The following MRPS9 variants were observed in gnomAD, a reference collection of about 807,000 sequenced individuals.
MRPS9 encodes small ribosomal subunit protein uS9m.
A neutral mutation model predicts 59.9 loss-of-function variants in MRPS9; 45 were observed. The observed-to-expected ratio is 0.75, with a 90% CI of 0.59 to 0.96. The LOEUF (loss-of-function observed/expected upper bound fraction) is 0.96. Ranked by LOEUF, MRPS9 falls within the 40% of genes least tolerant of loss-of-function variation. The pLI is 0.00. For synonymous variants in MRPS9, 171 were observed against 166.8 expected, an observed-to-expected ratio of 1.03 and a Z score of -0.19; for missense variants, 473 against 481.1, an observed-to-expected ratio of 0.98 and a Z score of 0.16.
chr2:105,088,631 C>T (rs540211060), intron 5 of MRPS9, among the ~76,000 whole-genome samples: 16 of 151,928 alleles, frequency 1.1e-4, no homozygotes, highest in Non-Finnish European at 1.5e-4. Flanking sequence ...ATATAAATTA[C>T]GATTTTTTCT....
At chr2:105,041,918 T>A (rs1679508480) in intron 1 of MRPS9, among the ~76,000 whole-genome samples, 1 of 152,176 alleles carries the variant, frequency 6.6e-6, no homozygotes, top group African/African-American at 2.4e-5. Context: ...ATTTGGCAAT[T>A]TATATGTTTC....
intron 1 of MRPS9, among the ~76,000 whole-genome samples, chr2:105,044,937 G>A (rs1679567075): frequency 6.6e-6 from 1 of 152,114 alleles, no homozygotes. Context: ...AAGACAAGAA[G>A]ATATGATTAA....
intron 8 of MRPS9, among the ~76,000 whole-genome samples, chr2:105,093,117 T>C (rs1002526576): frequency 2.0e-5 from 3 of 152,176 alleles, no homozygotes; most frequent in African/African-American, 7.2e-5. Context: ...TCCTGAGTAT[T>C]TTTTTATTTC....
chr2:105,065,055 A>C (rs778149694), intron 2 of MRPS9, among the ~76,000 whole-genome samples: 1 of 152,204 alleles, frequency 6.6e-6, no homozygotes, highest in African/African-American at 2.4e-5. Flanking sequence ...GTCTCCACTG[A>C]TAGAATGAGG....
chr2:105,060,017 TAAAAAAAA>T (rs10547330), intron 2 of MRPS9, among the ~76,000 whole-genome samples: 5 of 100,604 alleles, frequency 5.0e-5, no homozygotes, highest in African/African-American at 1.8e-4. Context: ...GGAAAACTGC[TAAAAAAAA>T]AAAAAAAAAA....
intron 2 of MRPS9, among the ~76,000 whole-genome samples, chr2:105,051,526 T>C (rs563641757): frequency 6.6e-6 from 1 of 152,304 alleles, no homozygotes; most frequent in African/African-American, 2.4e-5. Flanking sequence ...TCTTTGCTCC[T>C]CGAATTTTCA....
At chr2:105,087,009 C>A (rs1307407237) in intron 5 of MRPS9, among the ~76,000 whole-genome samples, 2 of 152,118 alleles carry the variant, frequency 1.3e-5, no homozygotes, top group Non-Finnish European at 2.9e-5. Context: ...GATATACTAT[C>A]CATTTGAAGT....
intron 4 of MRPS9, among the ~76,000 whole-genome samples, chr2:105,078,481 T>C (rs4851732): frequency 0.41 from 62,314 of 151,922 alleles, 12,818 homozygotes; most frequent in East Asian, 0.45. Flanking sequence ...AACCATACAG[T>C]GAAAATCAAT....
intron 5 of MRPS9, among the ~76,000 whole-genome samples, chr2:105,082,481 G>A (rs3924669): frequency 0.75 from 113,484 of 152,054 alleles, 42,808 homozygotes; most frequent in African/African-American, 0.86. Context: ...CATAGGAAGC[G>A]TATATATTAC....
chr2:105,071,433 T>C, intron 3 of MRPS9, 26 bp from the exon 4 acceptor site: 1 of 1,585,612 alleles, frequency 6.3e-7, no homozygotes, highest in African/African-American at 1.4e-5. Context: ...GATAATTATC[T>C]AATACATTAT....
intron 2 of MRPS9, among the ~76,000 whole-genome samples, chr2:105,062,189 CCTT>C (rs1294218715): frequency 6.6e-6 from 1 of 152,160 alleles, no homozygotes; most frequent in African/African-American, 2.4e-5. Flanking sequence ...TTTTCCTACT[CCTT>C]CTTGTTTGTA....
At chr2:105,050,934 A>G (rs1332835752) in intron 2 of MRPS9, among the ~76,000 whole-genome samples, 1 of 152,134 alleles carries the variant, frequency 6.6e-6, no homozygotes, top group Non-Finnish European at 1.5e-5. Flanking sequence ...CTTCCTTTTT[A>G]TTACTGAATA....
At chr2:105,047,774 C>T (rs889797544) in intron 1 of MRPS9, among the ~76,000 whole-genome samples, 10 of 151,894 alleles carry the variant, frequency 6.6e-5, no homozygotes, top group African/African-American at 1.4e-4. Flanking sequence ...TGACTGAAGG[C>T]GAAATCTTCA....
intron 2 of MRPS9, among the ~76,000 whole-genome samples, chr2:105,062,586 C>T (rs1183954489): frequency 4.6e-5 from 7 of 152,130 alleles, no homozygotes; most frequent in Admixed American, 4.6e-4. Context: ...TTAATTTAGA[C>T]CAATAACATT....
intron 5 of MRPS9, among the ~76,000 whole-genome samples, chr2:105,081,131 C>A (rs570525300): frequency 6.6e-6 from 1 of 152,190 alleles, no homozygotes; most frequent in Non-Finnish European, 1.5e-5. Flanking sequence ...CTCCAAACGC[C>A]GCCGGTTTGA....
At chr2:105,055,739 G>C (rs781285356) in intron 2 of MRPS9, among the ~76,000 whole-genome samples, 4 of 152,110 alleles carry the variant, frequency 2.6e-5, no homozygotes, top group Non-Finnish European at 4.4e-5. Context: ...TTTCATTTAT[G>C]TTTTTTAAAC....
In MRPS9 at chr2:105,097,167, G is replaced by A; in HGVS notation, c.942G>A (p.Met314Ile). Residue 314 changes from methionine to isoleucine, a missense_variant, in exon 10 of 11, where the codon ATG (methionine) becomes ATA (isoleucine). By Grantham distance (10) the Met-to-Ile change is conservative. Coordinates refer to ENST00000258455, the MANE Select transcript of MRPS9 (RefSeq NM_182640.3). ...FPITQDREQL[M>I]FPFHFVDRLG... ...TGCTGTGCTTTAGAGAACAGCTGAT[G>A]TTCCCTTTCCACTTTGTTGACCGGC... The A allele has an allele frequency of 6.3e-7, 1 of 1,579,956 alleles. No individual in the cohort carries two copies. Among genetic ancestry groups the A allele is most frequent in the Non-Finnish European group, 8.6e-7 (1 of 1,163,604 alleles).
intron 4 of MRPS9, among the ~76,000 whole-genome samples, chr2:105,078,561 G>T (rs903292515): frequency 6.6e-6 from 1 of 152,102 alleles, no homozygotes; most frequent in Non-Finnish European, 1.5e-5. Flanking sequence ...AATGATTTTG[G>T]AAAAGTGCTG....
At chr2:105,084,531 G>A (rs879832188) in intron 5 of MRPS9, among the ~76,000 whole-genome samples, 3 of 152,120 alleles carry the variant, frequency 2.0e-5, no homozygotes, top group Non-Finnish European at 2.9e-5. Flanking sequence ...GAGTATCACA[G>A]AATTCTTACT....
Sources: allele counts gnomAD v4.1 joint callset (sites outside exome capture counted in the v4.1 genomes callset), GRCh38; gene constraint gnomAD v4.1.1; transcripts MANE v1.5; gene names NCBI Gene and HGNC (gene_info 2026-07-23, HGNC 2026-07-21).